Variants in ZNF326 observed in about 807,000 individuals in gnomAD.
The protein encoded by ZNF326 is DBIRD complex subunit ZNF326.
ZNF326 carries 30 observed loss-of-function variants against 63.1 expected under a neutral mutation model. That is an observed-to-expected ratio of 0.48 (90% confidence interval 0.36 to 0.64). The LOEUF (loss-of-function observed/expected upper bound fraction) is 0.64. Ranked by LOEUF, ZNF326 falls within the 30% of genes least tolerant of loss-of-function variation. ZNF326 has a pLI of 0.00. For synonymous variants in ZNF326, 194 were observed against 228.2 expected (o/e 0.85, Z 1.35); for missense variants, 609 against 720.3 (o/e 0.85, Z 1.77).
intron 1 of ZNF326, 104 bp from the exon 2 acceptor site, chr1:89,998,006 A>C: frequency 2.1e-6 from 2 of 932,950 alleles, no homozygotes; most frequent in East Asian, 4.9e-5. Flanking sequence ...TAATTGGGTT[A>C]ATGTCATTTT....
At position 89,999,275 on chromosome 1, in the gene ZNF326, G is replaced by A. The variant is rs138564419; in HGVS notation, c.61+1121G>A. ...CTAGTAATGGGTAGAAAATTGAGAG[G>A]GTTGAATAAAAATGAATCCAGGATT... On this transcript the variant is annotated intron_variant, in intron 2 of 11. Coordinates refer to ENST00000340281, the MANE Select transcript of ZNF326 (RefSeq NM_182976.4). Among the ~76,000 whole-genome samples the A allele has an allele frequency of 2.4e-4, 36 of 151,444 alleles. 1 individual carries two copies. In the East Asian group the frequency reaches 7.0e-3, roughly 30 times the overall value.
intron 4 of ZNF326, chr1:90,006,279 T>G (rs1214376877): frequency 1.0e-5 from 10 of 980,930 alleles, no homozygotes; most frequent in Non-Finnish European, 1.2e-5. Context: ...TAAATCTATT[T>G]AGTGATCTGT....
rs1035944980 is a variant in ZNF326 at position 90,007,840 on chromosome 1, G to C, written c.615+90G>C. 1 of 1,215,464 alleles carries C rather than the reference G, an allele frequency of 8.2e-7. No homozygotes were observed. Among genetic ancestry groups the C allele is most frequent in the African/African-American group, 1.5e-5 (1 of 64,590 alleles). The allele number at this position is 1,215,464 out of a possible 1,614,324, so 75.3% of individuals were successfully genotyped here. On this transcript the variant is annotated intron_variant, in intron 5 of 11. Coordinates refer to ENST00000340281, the MANE Select transcript of ZNF326 (RefSeq NM_182976.4). The surrounding 1 kb of genome is among the most constrained non-coding windows in gnomAD (Gnocchi z 4.9). ...ATCGTTTTCAACTAGAATAAACACT[G>C]TTCATCCCGGTGTATTTTGAAGCAA...
chr1:90,005,541 A>G (rs979516293), intron 4 of ZNF326: 70 of 965,868 alleles, frequency 7.2e-5, no homozygotes, highest in Admixed American at 5.5e-5. Flanking sequence ...TTGTCAATCA[A>G]AGTATCCTGA....
chr1:90,007,901 T>A lies in ZNF326; in HGVS notation c.615+151T>A. The A allele has an allele frequency of 1.3e-6, 1 of 754,136 alleles. No individual in the cohort carries two copies. Among genetic ancestry groups the A allele is most frequent in the Non-Finnish European group, 1.8e-6 (1 of 542,616 alleles). The allele number at this position is 754,136 out of a possible 1,614,324, so 46.7% of individuals were successfully genotyped here. A position where few individuals can be genotyped will look rare whatever the true frequency, so the allele number is the denominator to read the frequency against. On this transcript the variant is annotated intron_variant, in intron 5 of 11. Transcript: ENST00000340281. The surrounding 1 kb of genome is among the most constrained non-coding windows in gnomAD (Gnocchi z 4.9). Reference sequence around the variant, plus strand: ...ATAAACATAATTTTTAGGTTGACTGTAAAAGTTTTTCTAGCACCTCAGAAA... The same window carrying A: ...ATAAACATAATTTTTAGGTTGACTGAAAAAGTTTTTCTAGCACCTCAGAAA...
chr1:90,014,272 A>G (rs1295779663), intron 7 of ZNF326, among the ~76,000 whole-genome samples: 2 of 152,200 alleles, frequency 1.3e-5, no homozygotes, highest in Non-Finnish European at 2.9e-5. Flanking sequence ...GCTAAATAAA[A>G]ACTTAAAATT....
chr1:89,995,584 C>T (rs1158612815), intron 1 of ZNF326, among the ~76,000 whole-genome samples: 1 of 152,264 alleles, frequency 6.6e-6, no homozygotes, highest in Non-Finnish European at 1.5e-5. Flanking sequence ...ATTGCCCCGA[C>T]GTCTCCAACT....
chr1:90,005,071 C>A (rs1648910734), intron 3 of ZNF326, 33 bp downstream of exon 3: 1 of 1,613,714 alleles, frequency 6.2e-7, no homozygotes. Flanking sequence ...TCTAAAAATT[C>A]TTCTTTTGAG....
intron 2 of ZNF326, among the ~76,000 whole-genome samples, chr1:90,000,514 C>T (rs989033822): frequency 1.3e-5 from 2 of 152,112 alleles, no homozygotes; most frequent in Non-Finnish European, 2.9e-5. Flanking sequence ...GCTTGGGCAA[C>T]ATAGTGAGAC....
At chr1:90,020,373 A>G (rs969505685) in intron 9 of ZNF326, among the ~76,000 whole-genome samples, 3 of 152,052 alleles carry the variant, frequency 2.0e-5, no homozygotes, top group Non-Finnish European at 2.9e-5. Context: ...AACCCCGGTC[A>G]CCATTTGCAA....
chr1:89,995,841 C>T (rs1456038634), intron 1 of ZNF326, among the ~76,000 whole-genome samples: 4 of 152,198 alleles, frequency 2.6e-5, no homozygotes, highest in Admixed American at 6.5e-5. Flanking sequence ...CAAGATGTTT[C>T]CTGGTTAGTA....
At chr1:90,027,257 G>A (rs756167015) in intron 11 of ZNF326, 97 bp from the exon 12 acceptor site, 9 of 1,111,910 alleles carry the variant, frequency 8.1e-6, no homozygotes, top group South Asian at 1.5e-5. Context: ...TTTCAAAATG[G>A]CATTTATTTC....
At chr1:90,010,791 C>A (rs1469938176) in intron 6 of ZNF326, among the ~76,000 whole-genome samples, 1 of 152,020 alleles carries the variant, frequency 6.6e-6, no homozygotes, top group East Asian at 1.9e-4. Flanking sequence ...ATGTTAGATT[C>A]TTTCCTCAAA....
rs1234799755 is a variant in ZNF326 at position 90,033,213 on chromosome 1, A to G, written c.*5512A>G. ...TTTTAAAGGGTTGTAGAACACCAAA[A>G]CAATATATGACAGATACTGTGTTTG... On this transcript the variant is annotated 3_prime_UTR_variant, in exon 12 of 12. Coordinates refer to ENST00000340281, the MANE Select transcript of ZNF326 (RefSeq NM_182976.4). 2 of 152,178 alleles carry G rather than the reference A, an allele frequency of 1.3e-5. No individual in the cohort carries two copies. The highest frequency in any genetic ancestry group is 4.8e-5 in the African/African-American group (2 of 41,436). 9.4% of individuals were successfully genotyped at this position (152,178 alleles called of 1,614,324 possible). A position where few individuals can be genotyped will look rare whatever the true frequency, so the allele number is the denominator to read the frequency against.
At chr1:90,005,272 A>G (rs1648931970) in intron 4 of ZNF326, 28 bp downstream of exon 4, 1 of 1,600,652 alleles carries the variant, frequency 6.2e-7, no homozygotes, top group Non-Finnish European at 8.5e-7. Context: ...TTGGCCAAAT[A>G]ATTAGACAAC....
chr1:90,021,119 T>TTG (rs1312590153), intron 10 of ZNF326, among the ~76,000 whole-genome samples, 197 bp downstream of exon 10: 34 of 152,232 alleles, frequency 2.2e-4, no homozygotes, highest in Non-Finnish European at 4.7e-4. Context: ...AGTTGTTCAA[T>TTG]CTATAACATG....
chr1:90,029,865 T>C lies in ZNF326; in HGVS notation c.*2164T>C, dbSNP rs1650188505. On this transcript the variant is annotated 3_prime_UTR_variant, in exon 12 of 12. Coordinates refer to ENST00000340281, the MANE Select transcript of ZNF326 (RefSeq NM_182976.4). The stretch of plus-strand genomic sequence containing the variant: ...AATTCAGAAATTCAAATTCATGTAT[T>C]TCCTATTGGATAATTTGTAGGCGGG... 6.6e-6 allele frequency: 1 copy of C among 152,240 alleles called. No homozygotes were observed. The highest frequency in any genetic ancestry group is 6.5e-5 in the Admixed American group (1 of 15,290). The allele number at this position is 152,240 out of a possible 1,614,324, so 9.4% of individuals were successfully genotyped here. A position where few individuals can be genotyped will look rare whatever the true frequency, so the allele number is the denominator to read the frequency against.
chr1:89,999,550 G>T (rs1188400634), intron 2 of ZNF326, among the ~76,000 whole-genome samples: 2 of 152,142 alleles, frequency 1.3e-5, no homozygotes, highest in African/African-American at 4.8e-5. Context: ...GTTATAACTG[G>T]TTCTCATCTG....
chr1:90,009,299 C>T (rs186795054), intron 5 of ZNF326, among the ~76,000 whole-genome samples: 1 of 152,232 alleles, frequency 6.6e-6, no homozygotes, highest in East Asian at 1.9e-4. Context: ...ACTCCTCCAT[C>T]TTTATCTTCT....
Sources: gnomAD v4.1 joint callset for allele counts (sites outside exome capture counted in the v4.1 genomes callset) on GRCh38, gnomAD v4.1.1 for gene constraint, Gnocchi (gnomAD v3.1) non-coding constraint, MANE v1.5 for transcripts, NCBI Gene and HGNC (gene_info 2026-07-23, HGNC 2026-07-21) for gene names.